NRIP2: variants seen among roughly 807,000 people sequenced by gnomAD.
NRIP2 encodes the protein nuclear receptor-interacting protein 2.
A neutral mutation model predicts 34.1 loss-of-function variants in NRIP2; 27 were observed. That is an observed-to-expected ratio of 0.79 (90% CI 0.58 to 1.09). NRIP2 has a LOEUF of 1.09. Among genes scored for constraint, NRIP2 ranks in the 50% least tolerant of loss-of-function variants. The pLI is 0.00. For synonymous variants in NRIP2, 145 were observed against 146.9 expected (o/e 0.99, Z 0.09); for missense variants, 385 against 352.6 (o/e 1.09, Z -0.74).
rs749967053 is a variant in NRIP2 at position 2,834,875 on chromosome 12, G to T, written c.109C>A (p.Pro37Thr). 1 of 1,613,772 alleles carries T rather than the reference G, an allele frequency of 6.2e-7. No individual in the cohort carries two copies. The highest frequency in any genetic ancestry group is 8.5e-7 in the Non-Finnish European group (1 of 1,179,966). The change falls in exon 1 of 6, where the codon CCC becomes ACC. Residue 37 changes from proline (P) to threonine (T), a missense_variant. Coordinates refer to ENST00000337508, the MANE Select transcript of NRIP2 (RefSeq NM_031474.3). ...GTGGGCCAGGGGCTGCTCGGTGGGGGCGTCACCGAGTCCTCTCTGCTTCTT... is the reference window on the plus strand; with the variant it reads ...GTGGGCCAGGGGCTGCTCGGTGGGGTCGTCACCGAGTCCTCTCTGCTTCTT... ...AGRSREDSVT[P>T]PPSSPWPTPP...
At chr12:2,831,285 A>G (rs903460786) in intron 1 of NRIP2, among the ~76,000 whole-genome samples, 1 of 151,760 alleles carries the variant, frequency 6.6e-6, no homozygotes, top group Non-Finnish European at 1.5e-5. Context: ...GAAAAACAGT[A>G]AGAAACTCAA....
intron 1 of NRIP2, 67 bp from the exon 2 acceptor site, chr12:2,830,927 C>G (rs1434542622): frequency 1.3e-6 from 2 of 1,553,516 alleles, no homozygotes; most frequent in Non-Finnish European, 8.7e-7. Context: ...GCTCAGTTAC[C>G]CCACTTAGAT....
At position 2,834,662 on chromosome 12, in the gene NRIP2, G is replaced by C. The variant is rs769426644; in HGVS notation, c.322C>G (p.Leu108Val). 23 of 1,602,380 alleles carry C rather than the reference G, an allele frequency of 1.4e-5. No homozygotes were observed. The highest frequency in any genetic ancestry group is 1.9e-5 in the Non-Finnish European group (22 of 1,173,754). Residue 108 changes from leucine to valine, a missense_variant, in exon 1 of 6, where the codon CTC (leucine) becomes GTC (valine). Physicochemically the swap from Leu to Val is conservative, Grantham distance 32. Transcript: ENST00000337508. The part of the protein sequence containing the change: ...DLLPLDSLKR[L>V]GTSKDLQPRS... ...CTCACCAAGTCCTTGGAGGTGCCGA[G>C]CCTCTTGAGGCTGTCCAGCGGGAGC... is the stretch of plus-strand genomic sequence containing the variant.
In NRIP2 at chr12:2,827,259, G is replaced by A. The variant is rs117603123; in HGVS notation, c.794C>T (p.Ala265Val). The change falls in exon 6 of 6, where the codon GCC (alanine) becomes GTC (valine). Residue 265 changes from alanine to valine, a missense_variant. Ala to Val is a moderately conservative substitution (Grantham distance 64). Coordinates refer to ENST00000337508, the MANE Select transcript of NRIP2 (RefSeq NM_031474.3). This position sits in a 1 kb window ranked among gnomAD's most constrained non-coding sequence, Gnocchi z 4.0. ...DLEHGVLRLKAPFSELPFLPL... is the reference protein window; with the variant it reads ...DLEHGVLRLKVPFSELPFLPL... Reference sequence around the variant, plus strand: ...CAGGAAGGGTAGCTCTGAGAACGGGGCTTTCAGCCGCAGCACTCCGTGCTC... The same window carrying A: ...CAGGAAGGGTAGCTCTGAGAACGGGACTTTCAGCCGCAGCACTCCGTGCTC... 2.8e-3 allele frequency: 4,454 copies of A among 1,614,046 alleles called. 12 individuals carry two copies. The highest frequency in any genetic ancestry group is 3.4e-3 in the Non-Finnish European group (3,971 of 1,180,010).
In NRIP2 at chr12:2,827,377, C is replaced by G; in HGVS notation, c.754-78G>C. 1.3e-6 allele frequency: 2 copies of G among 1,540,576 alleles called. No homozygotes were observed. The highest frequency in any genetic ancestry group is 1.7e-6 in the Non-Finnish European group (2 of 1,149,408). ...CCGGCCTGCTCCTTTTGTTCCCCCT[C>G]CCACTTCCCACAGCTTCCACCTGCC... On this transcript the variant is annotated intron_variant, in intron 5 of 5. Coordinates refer to ENST00000337508, the MANE Select transcript of NRIP2 (RefSeq NM_031474.3). The surrounding 1 kb of genome is among the most constrained non-coding windows in gnomAD (Gnocchi z 4.0).
Position 2,827,756 on chromosome 12 carries a change from T to C in NRIP2, c.701-79A>G. The C allele has an allele frequency of 6.2e-7, 1 of 1,610,604 alleles. No homozygotes were observed. The highest frequency in any genetic ancestry group is 8.5e-7 in the Non-Finnish European group (1 of 1,178,868). ...TGCCCTCCTCTTAGCCGTTGCTCCT[T>C]CTCTGCCCACCCCATCCCCAGATCC... On this transcript the variant is annotated intron_variant, in intron 4 of 5. Transcript: ENST00000337508. This position sits in a 1 kb window ranked among gnomAD's most constrained non-coding sequence, Gnocchi z 4.0.
At chr12:2,830,460 T>C (rs932075791) in intron 2 of NRIP2, 1 of 421,896 alleles carries the variant, frequency 2.4e-6, no homozygotes, top group Non-Finnish European at 4.2e-6. Flanking sequence ...ACTTACTTAA[T>C]TTAAGTATTG....
chr12:2,833,678 C>T (rs11062372), intron 1 of NRIP2, among the ~76,000 whole-genome samples: 1 of 151,962 alleles, frequency 6.6e-6, no homozygotes, highest in Non-Finnish European at 1.5e-5. Flanking sequence ...CTCTCTTCCA[C>T]GGGTCAGAGG....
At chr12:2,830,987 G>C in intron 1 of NRIP2, 127 bp from the exon 2 acceptor site, 1 of 918,786 alleles carries the variant, frequency 1.1e-6, no homozygotes, top group African/African-American at 1.8e-5. Flanking sequence ...TACCCTAGGA[G>C]TTTACCCTAG....
chr12:2,828,443 T>C (rs1195949154), intron 2 of NRIP2, 29 bp from the exon 3 acceptor site: 1 of 1,569,812 alleles, frequency 6.4e-7, no homozygotes, highest in Non-Finnish European at 8.8e-7. Flanking sequence ...GGTGAATCAG[T>C]GAGTCCCTAG....
Position 2,828,555 on chromosome 12 carries a change from C to T in NRIP2, c.496-141G>A, listed in dbSNP as rs184243242. On this transcript the variant is annotated intron_variant, in intron 2 of 5. Coordinates refer to ENST00000337508, the MANE Select transcript of NRIP2 (RefSeq NM_031474.3). ...AACTGTCTTTAAAACTGGCTTTTAT[C>T]GGGGCCAGGCGCGGTAGCTCACGCC... 5.1e-5 allele frequency: 35 copies of T among 690,592 alleles called. No individual in the cohort carries two copies. In the East Asian group the frequency reaches 5.7e-4, roughly 11 times the overall value. 42.8% of individuals were successfully genotyped at this position (690,592 alleles called of 1,614,324 possible). A position where few individuals can be genotyped will look rare whatever the true frequency, so the allele number is the denominator to read the frequency against.
intron 2 of NRIP2, among the ~76,000 whole-genome samples, chr12:2,830,061 AGCGAGACTCT>A (rs1219329874): frequency 6.6e-6 from 1 of 151,968 alleles, no homozygotes; most frequent in Non-Finnish European, 1.5e-5. Context: ...TGGGTGACAG[AGCGAGACTCT>A]GTCTCAAAAA....
chr12:2,830,580 C>T, intron 2 of NRIP2, 128 bp downstream of exon 2: 2 of 1,021,550 alleles, frequency 2.0e-6, no homozygotes, highest in Non-Finnish European at 2.8e-6. Flanking sequence ...TGGTTAGGTC[C>T]AGGCTAGGGA....
At position 2,828,363 on chromosome 12, in the gene NRIP2, G is replaced by C. The variant is rs150931045; in HGVS notation, c.547C>G (p.Arg183Gly). Reference sequence around the variant, plus strand: ...CGGCTGAGACATCCAGCAGAGATCCGATTGTATTGGGTGCCTGTGTCAACG... The same window carrying C: ...CGGCTGAGACATCCAGCAGAGATCCCATTGTATTGGGTGCCTGTGTCAACG... ...VAVDTGTQYN[R>G]ISAGCLSRLG... The change falls in exon 3 of 6, where the codon CGG becomes GGG. Residue 183 changes from arginine to glycine, a missense_variant. Transcript: ENST00000337508. The C allele has an allele frequency of 4.3e-6, 7 of 1,614,000 alleles. No homozygotes were observed. The African/African-American group carries it at 9.3e-5, about 22-fold the overall frequency.
At position 2,825,642 on chromosome 12, in the gene NRIP2, C is replaced by G. The variant is rs2097962914; in HGVS notation, c.*1565G>C. Reference sequence around the variant, plus strand: ...CTGAGAAAGGGCAGGCCAGGTGTCACAGGCAGCTCCTTGCATCCCGGTTCT... The same window carrying G: ...CTGAGAAAGGGCAGGCCAGGTGTCAGAGGCAGCTCCTTGCATCCCGGTTCT... On this transcript the variant is annotated 3_prime_UTR_variant, in exon 6 of 6. Transcript: ENST00000337508. 1 of 153,042 alleles carries G rather than the reference C, an allele frequency of 6.5e-6. No individual in the cohort carries two copies. The allele number at this position is 153,042 out of a possible 1,614,324, so 9.5% of individuals were successfully genotyped here. A position where few individuals can be genotyped will look rare whatever the true frequency, so the allele number is the denominator to read the frequency against.
rs1306585921 is a variant in NRIP2, at chr12:2,826,571, C to T, written c.*636G>A. ...TGCACAGGGTAATCAAACTAACTGG[C>T]TTCAGACATTTGCAGCCACAGGAAA... On this transcript the variant is annotated 3_prime_UTR_variant, in exon 6 of 6. Coordinates refer to ENST00000337508, the MANE Select transcript of NRIP2 (RefSeq NM_031474.3). The T allele has an allele frequency of 1.3e-5, 2 of 152,782 alleles. No homozygotes were observed. Among genetic ancestry groups the T allele is most frequent in the East Asian group, 1.9e-4 (1 of 5,180 alleles). The allele number at this position is 152,782 out of a possible 1,614,324, so 9.5% of individuals were successfully genotyped here.
rs755957163 is a variant in NRIP2 at position 2,827,884 on chromosome 12, G to A, written c.700+42C>T. 37 of 1,613,076 alleles carry A rather than the reference G, an allele frequency of 2.3e-5. No individual in the cohort carries two copies. The highest frequency in any genetic ancestry group is 3.1e-5 in the Non-Finnish European group (36 of 1,179,942). On this transcript the variant is annotated intron_variant, in intron 4 of 5. Coordinates refer to ENST00000337508, the MANE Select transcript of NRIP2 (RefSeq NM_031474.3). The surrounding 1 kb of genome is among the most constrained non-coding windows in gnomAD (Gnocchi z 4.0). ...GCCTTTGCCCCACCCCAAAGAGAAA[G>A]GTGAGGTGAGCACCAGGGCTGTTGC... is the stretch of plus-strand genomic sequence containing the variant.
In NRIP2 at chr12:2,830,849, A is replaced by C. The variant is rs138497818; in HGVS notation, c.354T>G (p.Ser118Arg). 513 of 1,613,022 alleles carry C rather than the reference A, an allele frequency of 3.2e-4. 1 individual carries two copies. The highest frequency in any genetic ancestry group is 4.1e-4 in the Non-Finnish European group (483 of 1,179,624). ...CCTCCACCAGGCGTCTTTGGATCAC[A>C]CTGCGCGGCTGCTGGCTCCATCACA... Reference protein sequence around the residue: ...LGTSKDLQPRSVIQRRLVEGN... With the variant: ...LGTSKDLQPRRVIQRRLVEGN... Residue 118 changes from serine to arginine, a missense_variant, in exon 2 of 6, where the codon AGT becomes AGG. Coordinates refer to ENST00000337508, the MANE Select transcript of NRIP2 (RefSeq NM_031474.3).
chr12:2,830,930 A>C, intron 1 of NRIP2, 70 bp from the exon 2 acceptor site: 2 of 1,536,556 alleles, frequency 1.3e-6, no homozygotes, highest in Non-Finnish European at 1.8e-6. Context: ...CAGTTACCCC[A>C]CTTAGATACC....
Sources: gnomAD v4.1 joint callset for allele counts (sites outside exome capture counted in the v4.1 genomes callset) on GRCh38, gnomAD v4.1.1 for gene constraint, Gnocchi (gnomAD v3.1) non-coding constraint, MANE v1.5 for transcripts, NCBI Gene and HGNC (gene_info 2026-07-23, HGNC 2026-07-21) for gene names.